APPL2: variants seen among roughly 807,000 people sequenced by gnomAD.
APPL2 encodes DCC-interacting protein 13-beta.
Under a neutral mutation model 92.7 loss-of-function variants are expected in APPL2, and 84 were observed. That is an observed-to-expected ratio of 0.91 (90% CI 0.76 to 1.09). The LOEUF (loss-of-function observed/expected upper bound fraction) is 1.09, where lower values mean the gene tolerates loss of function less well. Among genes scored for constraint, APPL2 ranks in the 50% least tolerant of loss-of-function variants. The probability of loss-of-function intolerance (pLI) is 0.00; values close to 1 mark genes in which losing one functional copy is unlikely to be tolerated. For missense variants in APPL2, 736 were observed against 824.5 expected (o/e 0.89, Z 1.31); for synonymous variants, 291 against 291.0 (o/e 1.00, Z 0.00).
chr12:105,227,134 T>TAA (rs60826041), intron 2 of APPL2, among the ~76,000 whole-genome samples: 18,717 of 148,836 alleles, frequency 0.13, 1,355 homozygotes, highest in African/African-American at 0.2. Context: ...AAATTAAAAA[T>TAA]AAAAAAAAAA....
At chr12:105,217,161 A>C (rs780567747) in intron 3 of APPL2, 21 bp from the exon 4 acceptor site, 47 of 1,572,462 alleles carry the variant, frequency 3.0e-5, no homozygotes, top group Admixed American at 5.3e-5. Context: ...AGAATAAAAG[A>C]AGCAGGTGTT....
At chr12:105,205,827 A>G (rs1219144936) in intron 8 of APPL2, among the ~76,000 whole-genome samples, 7 of 152,212 alleles carry the variant, frequency 4.6e-5, no homozygotes, top group African/African-American at 1.4e-4. Flanking sequence ...AGTATGAGTT[A>G]CTGCACACCT....
chr12:105,225,953 C>T (rs1470381), intron 2 of APPL2, among the ~76,000 whole-genome samples: 29,790 of 152,098 alleles, frequency 0.2, 3,123 homozygotes, highest in East Asian at 0.35. Flanking sequence ...TTATCAGCAG[C>T]GTAAGCCTGC....
At chr12:105,203,254 C>T (rs1888385040) in intron 9 of APPL2, among the ~76,000 whole-genome samples, 1 of 152,198 alleles carries the variant, frequency 6.6e-6, no homozygotes. Flanking sequence ...CTACTGAAGA[C>T]AGTGATGTTG....
intron 8 of APPL2, among the ~76,000 whole-genome samples, 181 bp from the exon 9 acceptor site, chr12:105,203,966 A>G (rs1329990495): frequency 6.6e-6 from 1 of 152,114 alleles, no homozygotes; most frequent in African/African-American, 2.4e-5. Flanking sequence ...AACTGAAACC[A>G]CAGTTGCTGG....
At chr12:105,186,674 G>GATATCGATATCAT (rs1566056451) in intron 17 of APPL2, among the ~76,000 whole-genome samples, 1 of 47,438 alleles carries the variant, frequency 2.1e-5, no homozygotes, top group Non-Finnish European at 5.7e-5. Context: ...TCATATATAT[G>GATATCGATATCAT]ATATATCATA....
chr12:105,178,017 C>G (rs1885720254), intron 17 of APPL2, among the ~76,000 whole-genome samples: 1 of 152,192 alleles, frequency 6.6e-6, no homozygotes, highest in African/African-American at 2.4e-5. Context: ...TGTCGAACTC[C>G]TGACCTCAGG....
At chr12:105,229,887 T>C in intron 1 of APPL2, 1 of 444,230 alleles carries the variant, frequency 2.3e-6, no homozygotes, top group Non-Finnish European at 3.0e-6. Flanking sequence ...CAAGGGATTC[T>C]CTTGCCTCAG....
rs200781904 is a variant in APPL2, at chr12:105,229,139, C to A, written c.139G>T (p.Val47Phe). The change falls in exon 2 of 21, where the codon GTC becomes TTC. Residue 47 changes from valine to phenylalanine, a missense_variant. By Grantham distance (50) the Val-to-Phe change is conservative. Transcript: ENST00000258530. ...TNQLLQAMQRVYGAQNEMCLA... is the reference protein window; with the variant it reads ...TNQLLQAMQRFYGAQNEMCLA... ...TGGCAGCATACCTGGGCTCCATAGA[C>A]GCGCTGCATTGCCTGGAGCAGCTGG... 1.2e-6 allele frequency: 2 copies of A among 1,611,836 alleles called. No homozygotes were observed. The highest frequency in any genetic ancestry group is 1.7e-6 in the Non-Finnish European group (2 of 1,179,282).
In APPL2 at chr12:105,195,395, T is replaced by A. The variant is rs201986206; in HGVS notation, c.1153-46A>T. 5.6e-6 allele frequency: 9 copies of A among 1,614,114 alleles called. No homozygotes were observed. The East Asian group carries it at 1.8e-4, about 32-fold the overall frequency. ...ACACTCAGTCCCAGGAGGTGGACGC[T>A]TACCTTCCAGGTTGAGAAAAGGGCT... is the stretch of plus-strand genomic sequence containing the variant. On this transcript the variant is annotated intron_variant, in intron 13 of 20. Transcript: ENST00000258530.
intron 16 of APPL2, among the ~76,000 whole-genome samples, chr12:105,189,332 C>G (rs1886997869): frequency 6.6e-6 from 1 of 152,162 alleles, no homozygotes; most frequent in South Asian, 2.1e-4. Context: ...TGCCGGCCAT[C>G]AGATACGTTC....
At chr12:105,231,294 T>C (rs1280568649) in intron 1 of APPL2, among the ~76,000 whole-genome samples, 1 of 151,900 alleles carries the variant, frequency 6.6e-6, no homozygotes, top group Non-Finnish European at 1.5e-5. Context: ...AGAAAAGAGG[T>C]AAAAAGGGAA....
intron 9 of APPL2, among the ~76,000 whole-genome samples, chr12:105,202,823 G>A (rs1356124302): frequency 6.6e-6 from 1 of 152,090 alleles, no homozygotes; most frequent in Non-Finnish European, 1.5e-5. Context: ...GCTCAGCACT[G>A]GTTTTTCTTG....
intron 19 of APPL2, 165 bp from the exon 20 acceptor site, chr12:105,176,247 G>A (rs780962484): frequency 1.5e-5 from 9 of 606,346 alleles, no homozygotes; most frequent in Middle Eastern, 5.1e-4. Flanking sequence ...GGGCATTTGC[G>A]TCCAACTGTC....
intron 17 of APPL2, among the ~76,000 whole-genome samples, chr12:105,184,510 CCTCTTCTGCAG>C (rs1886409257): frequency 6.6e-6 from 1 of 152,126 alleles, no homozygotes; most frequent in African/African-American, 2.4e-5. Context: ...CCTTCAGGCC[CCTCTTCTGCAG>C]GTCTGCTGCA....
chr12:105,190,445 C>T (rs1291676910), intron 14 of APPL2, among the ~76,000 whole-genome samples: 2 of 152,152 alleles, frequency 1.3e-5, no homozygotes, highest in Admixed American at 1.3e-4. Flanking sequence ...AGGGCCTATG[C>T]TATAGCTAAG....
rs556632243 is a variant in APPL2 at position 105,174,025 on chromosome 12, T to C, written c.*289A>G. ...AGATGACATTCATATGAACAATGCA[T>C]TTTTCAAACTTTTGTTCTGAGCGCT... On this transcript the variant is annotated 3_prime_UTR_variant, in exon 21 of 21. Transcript: ENST00000258530. The C allele has an allele frequency of 4.1e-6, 1 of 245,656 alleles. No individual in the cohort carries two copies. The highest frequency in any genetic ancestry group is 5.6e-5 in the Admixed American group (1 of 17,980). The allele number at this position is 245,656 out of a possible 1,614,324, so 15.2% of individuals were successfully genotyped here.
At chr12:105,211,557 G>A (rs1889220070) in intron 4 of APPL2, among the ~76,000 whole-genome samples, 1 of 152,172 alleles carries the variant, frequency 6.6e-6, no homozygotes, top group East Asian at 1.9e-4. Flanking sequence ...GAGTGTCTGG[G>A]CCCACAGTTA....
In APPL2 at chr12:105,174,130, G is replaced by A; in HGVS notation, c.*184C>T. 1.5e-6 allele frequency: 1 copy of A among 646,908 alleles called. No homozygotes were observed. The highest frequency in any genetic ancestry group is 3.2e-5 in the East Asian group (1 of 31,586). 40.1% of individuals were successfully genotyped at this position (646,908 alleles called of 1,614,324 possible). On this transcript the variant is annotated 3_prime_UTR_variant, in exon 21 of 21. Transcript: ENST00000258530. ...CCTAAAATAACATTGTAGATGGGTGGGAACGCTGTCAACCATTTCTTAGTT... is the reference window on the plus strand; with the variant it reads ...CCTAAAATAACATTGTAGATGGGTGAGAACGCTGTCAACCATTTCTTAGTT...
Sources: gnomAD v4.1 joint callset for allele counts (sites outside exome capture counted in the v4.1 genomes callset) on GRCh38, gnomAD v4.1.1 for gene constraint, MANE v1.5 for transcripts, NCBI Gene and HGNC (gene_info 2026-07-23, HGNC 2026-07-21) for gene names.